VWA5A: variants seen among roughly 807,000 people sequenced by gnomAD.
VWA5A encodes von Willebrand factor A domain containing 5A.
VWA5A carries 77 observed loss-of-function variants against 84.6 expected under a neutral mutation model. The observed-to-expected ratio is 0.91, with a 90% CI of 0.76 to 1.10. The LOEUF is 1.10. Ranked by LOEUF, VWA5A falls within the 50% of genes least tolerant of loss-of-function variation. The pLI, the probability that VWA5A is intolerant of heterozygous loss-of-function variation, is 0.00. For missense variants in VWA5A, 973 were observed against 963.0 expected, an observed-to-expected ratio of 1.01 and a Z score of -0.14; for synonymous variants, 334 against 350.1, an observed-to-expected ratio of 0.95 and a Z score of 0.51.
rs780615142 is a variant in VWA5A at position 124,145,294 on chromosome 11, G to A, written c.2212G>A (p.Gly738Ser). The A allele has an allele frequency of 1.9e-6, 3 of 1,613,752 alleles. No individual in the cohort carries two copies. Among genetic ancestry groups the A allele is most frequent in the Non-Finnish European group, 2.5e-6 (3 of 1,179,856 alleles). The part of the protein sequence containing the change: ...ILAVIWLHSN[G>S]KDLKCEWELL... Reference sequence around the variant, plus strand: ...GGCCGTGATCTGGCTGCACAGCAATGGTAAGGACTTGAAGTGTGAATGGGA... The same window carrying A: ...GGCCGTGATCTGGCTGCACAGCAATAGTAAGGACTTGAAGTGTGAATGGGA... Residue 738 changes from glycine to serine, a missense_variant, in exon 18 of 19, where the codon GGT becomes AGT. Transcript: ENST00000456829.
At position 124,124,312 on chromosome 11, in the gene VWA5A, C is replaced by T; in HGVS notation, c.1240C>T (p.His414Tyr). ...AGAAGTTAGGATCAACAGACAGAAA[C>T]ACAGGTAGGAAGAAAATGTGATTTC... Reference protein sequence around the residue: ...IKEVRINRQKHRCFSFGIGEG... With the variant: ...IKEVRINRQKYRCFSFGIGEG... The change falls in exon 11 of 19, where the codon CAC becomes TAC. Residue 414 changes from histidine to tyrosine, a missense_variant. Coordinates refer to ENST00000456829, the MANE Select transcript of VWA5A (RefSeq NM_001130142.2). The T allele has an allele frequency of 6.2e-7, 1 of 1,613,894 alleles. No individual in the cohort carries two copies. The highest frequency in any genetic ancestry group is 2.2e-5 in the East Asian group (1 of 44,852).
chr11:124,117,519 A>C lies in VWA5A; in HGVS notation c.8A>C (p.His3Pro), dbSNP rs748968304. MV[H>P]FCGLLTLHRE... Reference sequence around the variant, plus strand: ...CAGAAATCTTGCATCACCATGGTGCACTTCTGTGGCCTACTCACCCTCCAC... The same window carrying C: ...CAGAAATCTTGCATCACCATGGTGCCCTTCTGTGGCCTACTCACCCTCCAC... The change falls in exon 3 of 19, where the codon CAC (histidine) becomes CCC (proline). Residue 3 changes from histidine (H) to proline (P), a missense_variant. Transcript: ENST00000456829. 1 of 1,614,086 alleles carries C rather than the reference A, an allele frequency of 6.2e-7. No homozygotes were observed. Among genetic ancestry groups the C allele is most frequent in the African/African-American group, 1.3e-5 (1 of 74,942 alleles).
Position 124,141,686 on chromosome 11 carries a change from G to A in VWA5A, c.1968G>A (p.Gln656=). The change falls in exon 16 of 19, where the codon CAG becomes CAA. Residue 656 remains glutamine (Q), a synonymous_variant. Transcript: ENST00000456829. ...ELMCYKAKTF[Q]MDDYSLCGLI... ...TGTGTTATAAGGCCAAGACATTCCA[G>A]ATGGACGATTACAGTCTCTGTGGGT... 6.2e-7 allele frequency: 1 copy of A among 1,614,172 alleles called. No homozygotes were observed. Among genetic ancestry groups the A allele is most frequent in the South Asian group, 1.1e-5 (1 of 91,068 alleles).
At chr11:124,134,367 T>C (rs1243602096) in intron 11 of VWA5A, among the ~76,000 whole-genome samples, 1 of 152,216 alleles carries the variant, frequency 6.6e-6, no homozygotes, top group African/African-American at 2.4e-5. Flanking sequence ...AATGTATTCT[T>C]TGTTTATATA....
chr11:124,135,171 C>A, intron 12 of VWA5A, 137 bp downstream of exon 12: 1 of 582,206 alleles, frequency 1.7e-6, no homozygotes, highest in Non-Finnish European at 2.9e-6. Flanking sequence ...AGGCCTTAGG[C>A]TGTATACTTA....
rs1274902557 is a variant in VWA5A, at chr11:124,145,243, G to A, written c.2161G>A (p.Asp721Asn). Residue 721 changes from aspartate to asparagine, a missense_variant, in exon 18 of 19, where the codon GAT becomes AAT. By Grantham distance (23) the Asp-to-Asn change is conservative. Transcript: ENST00000456829. ...CTCTCTATCTACTGTGCAGCTTGTG[G>A]ATTCCTCAGGCTGGGCCACCATCCT... ...IMAAQPAELV[D>N]SSGWATILAV... 4 of 1,613,066 alleles carry A rather than the reference G, an allele frequency of 2.5e-6. No individual in the cohort carries two copies. The highest frequency in any genetic ancestry group is 4.5e-5 in the East Asian group (2 of 44,830).
rs368248606 is a variant in VWA5A, at chr11:124,119,127, G to A, written c.760+38G>A. Reference sequence around the variant, plus strand: ...TTCCTTTGTAGTCATCCCCTAAGGGGCAACTCCCTGTCTTGGAATTACTGT... The same window carrying A: ...TTCCTTTGTAGTCATCCCCTAAGGGACAACTCCCTGTCTTGGAATTACTGT... On this transcript the variant is annotated intron_variant, in intron 7 of 18. Transcript: ENST00000456829. The A allele has an allele frequency of 1.9e-5, 30 of 1,549,606 alleles. No individual in the cohort carries two copies. In the African/African-American group the frequency reaches 2.9e-4, roughly 15 times the overall value.
chr11:124,130,482 T>A (rs1865080439), intron 11 of VWA5A, among the ~76,000 whole-genome samples: 1 of 152,204 alleles, frequency 6.6e-6, no homozygotes, highest in Non-Finnish European at 1.5e-5. Flanking sequence ...GTTCTGTGGA[T>A]GTCTATTAGC....
rs902483818 is a variant in VWA5A, at chr11:124,141,593, T to C, written c.1880-5T>C. 12 of 1,613,842 alleles carry C rather than the reference T, an allele frequency of 7.4e-6. No homozygotes were observed. In the Admixed American group the frequency reaches 8.3e-5, roughly 11 times the overall value. On this transcript the variant is annotated splice_polypyrimidine_tract_variant and splice_region_variant and intron_variant, in intron 15 of 18. Coordinates refer to ENST00000456829, the MANE Select transcript of VWA5A (RefSeq NM_001130142.2). ...GCCACTGTCTTAATGTTTGGATTTTTTCAGGTTTTCGAAAGGCCTTACACT... is the reference window on the plus strand; with the variant it reads ...GCCACTGTCTTAATGTTTGGATTTTCTCAGGTTTTCGAAAGGCCTTACACT...
chr11:124,125,834 A>T (rs1865011309), intron 11 of VWA5A, among the ~76,000 whole-genome samples: 1 of 152,192 alleles, frequency 6.6e-6, no homozygotes, highest in South Asian at 2.1e-4. Flanking sequence ...AATGTATTTG[A>T]GTAATAGTTG....
chr11:124,119,743 G>A (rs890057039), intron 7 of VWA5A, among the ~76,000 whole-genome samples: 3 of 152,096 alleles, frequency 2.0e-5, no homozygotes, highest in African/African-American at 7.2e-5. Context: ...AGTGTATATT[G>A]ACAGATTGAA....
At position 124,115,478 on chromosome 11, in the gene VWA5A, G is replaced by A. The variant is rs1256179282; in HGVS notation, c.-135G>A. On this transcript the variant is annotated 5_prime_UTR_variant, in exon 1 of 19. Coordinates refer to ENST00000456829, the MANE Select transcript of VWA5A (RefSeq NM_001130142.2). Reference sequence around the variant, plus strand: ...TCAGAGCGCTCCGGGCTGCAGGAGAGGAAGGTAGGGGACCAAGCTACCGGT... The same window carrying A: ...TCAGAGCGCTCCGGGCTGCAGGAGAAGAAGGTAGGGGACCAAGCTACCGGT... 6.6e-6 allele frequency: 1 copy of A among 152,192 alleles called. No individual in the cohort carries two copies. Among genetic ancestry groups the A allele is most frequent in the African/African-American group, 2.4e-5 (1 of 41,438 alleles). The allele number at this position is 152,192 out of a possible 1,614,324, so 9.4% of individuals were successfully genotyped here.
rs552259935 is a variant in VWA5A, at chr11:124,118,655, A to T, written c.592A>T (p.Asn198Tyr). 1 of 1,614,144 alleles carries T rather than the reference A, an allele frequency of 6.2e-7. No individual in the cohort carries two copies. The highest frequency in any genetic ancestry group is 1.1e-5 in the South Asian group (1 of 91,076). The change falls in exon 6 of 19, where the codon AAC (asparagine) becomes TAC (tyrosine). Residue 198 changes from asparagine (N) to tyrosine (Y), a missense_variant. Asn to Tyr is a moderately radical substitution (Grantham distance 143). Coordinates refer to ENST00000456829, the MANE Select transcript of VWA5A (RefSeq NM_001130142.2). Reference protein sequence around the residue: ...SQHGIEKVQSNCPLSPTEYLG... With the variant: ...SQHGIEKVQSYCPLSPTEYLG... ...GCATGGCATTGAGAAGGTCCAATCC[A>T]ACTGCCCCTTGAGTCCTACCGAGTA...
rs751556239 is a variant in VWA5A at position 124,118,537 on chromosome 11, G to A, written c.474G>A (p.Ser158=). 1.8e-5 allele frequency: 29 copies of A among 1,613,906 alleles called. No individual in the cohort carries two copies. Among genetic ancestry groups the A allele is most frequent in the East Asian group, 1.3e-4 (6 of 44,890 alleles). Residue 158 remains serine, a synonymous_variant, in exon 6 of 19, where the codon TCG becomes TCA. Coordinates refer to ENST00000456829, the MANE Select transcript of VWA5A (RefSeq NM_001130142.2). ...VLNPRYQFSG[S]SKDSCLNVKT... is the part of the protein sequence containing the mutation. ...AACTAAGGTCATCTTTTATAGGGTC[G>A]TCTAAGGACAGTTGCCTTAATGTGA...
At chr11:124,132,635 T>C (rs1865113704) in intron 11 of VWA5A, among the ~76,000 whole-genome samples, 1 of 152,202 alleles carries the variant, frequency 6.6e-6, no homozygotes. Flanking sequence ...GTGCCTTTTC[T>C]ATTAATATTT....
chr11:124,142,493 G>A lies in VWA5A; in HGVS notation c.2075G>A (p.Gly692Asp), dbSNP rs750354509. The A allele has an allele frequency of 1.9e-6, 3 of 1,614,042 alleles. No homozygotes were observed. Among genetic ancestry groups the A allele is most frequent in the African/African-American group, 1.3e-5 (1 of 74,908 alleles). The change falls in exon 17 of 19, where the codon GGT becomes GAT. Residue 692 changes from glycine to aspartate, a missense_variant. Transcript: ENST00000456829. ...VQLIYHQNAN[G>D]SWDLNEDLAK... ...CTGATTTACCACCAAAATGCAAATG[G>A]TTCCTGGGATCTGAATGAAGATCTA...
intron 11 of VWA5A, among the ~76,000 whole-genome samples, chr11:124,130,721 A>C (rs1309851518): frequency 6.6e-6 from 1 of 152,066 alleles, no homozygotes; most frequent in Admixed American, 6.6e-5. Flanking sequence ...TAATCCCTTT[A>C]CCATTATGTA....
intron 11 of VWA5A, among the ~76,000 whole-genome samples, chr11:124,131,450 A>G (rs1160834971): frequency 6.6e-6 from 1 of 152,118 alleles, no homozygotes; most frequent in Non-Finnish European, 1.5e-5. Context: ...TAGAATGTAA[A>G]ACTGCAGATA....
intron 10 of VWA5A, 60 bp downstream of exon 10, chr11:124,123,864 T>C (rs1326980717): frequency 2.1e-5 from 32 of 1,515,842 alleles, no homozygotes; most frequent in Non-Finnish European, 2.8e-5. Context: ...TAAGAATCTA[T>C]GCCCCTGAGC....
Sources: allele counts gnomAD v4.1 joint callset (sites outside exome capture counted in the v4.1 genomes callset), GRCh38; gene constraint gnomAD v4.1.1; transcripts MANE v1.5; gene names NCBI Gene and HGNC (gene_info 2026-07-23, HGNC 2026-07-21).